The following NADSYN1 variants were observed in gnomAD, a reference collection of about 807,000 sequenced individuals.
NADSYN1 encodes glutamine-dependent NAD(+) synthetase.
A neutral mutation model predicts 99.3 loss-of-function variants in NADSYN1; 80 were observed. The observed-to-expected ratio is 0.81, with a 90% CI of 0.67 to 0.97. The LOEUF is 0.97. Among genes scored for constraint, NADSYN1 ranks in the 50% least tolerant of loss-of-function variants. NADSYN1 has a pLI of 0.00. For synonymous variants in NADSYN1, 385 were observed against 372.1 expected, an observed-to-expected ratio of 1.03 and a Z score of -0.40; for missense variants, 859 against 948.5, an observed-to-expected ratio of 0.91 and a Z score of 1.24.
intron 2 of NADSYN1, among the ~76,000 whole-genome samples, chr11:71,457,214 G>C (rs1423864319): frequency 1.3e-5 from 2 of 152,270 alleles, no homozygotes; most frequent in Non-Finnish European, 2.9e-5. Context: ...GAGGAGAAAG[G>C]ACATCTCAGA....
At position 71,455,539 on chromosome 11, in the gene NADSYN1, C is replaced by G. The variant is rs1949507671; in HGVS notation, c.146+369C>G. On this transcript the variant is annotated intron_variant, in intron 2 of 20. Coordinates refer to ENST00000319023, the MANE Select transcript of NADSYN1 (RefSeq NM_018161.5). ...TGGAATTAAGAGATGAGGCCTTTGGCAGGTGATTGGGTCATGAGGGCATGA... is the reference window on the plus strand; with the variant it reads ...TGGAATTAAGAGATGAGGCCTTTGGGAGGTGATTGGGTCATGAGGGCATGA... The G allele has an allele frequency of 1.7e-5, 4 of 233,798 alleles. No homozygotes were observed. The South Asian group carries it at 2.9e-4, about 17-fold the overall frequency. 14.5% of individuals were successfully genotyped at this position (233,798 alleles called of 1,614,324 possible).
chr11:71,456,601 T>A (rs1949516595), intron 2 of NADSYN1, among the ~76,000 whole-genome samples: 1 of 152,238 alleles, frequency 6.6e-6, no homozygotes, highest in African/African-American at 2.4e-5. Flanking sequence ...GTTTACGTCT[T>A]CTTTTCTTTC....
chr11:71,491,985 T>C, intron 18 of NADSYN1, 82 bp downstream of exon 18: 1 of 1,346,708 alleles, frequency 7.4e-7, no homozygotes, highest in Non-Finnish European at 1.0e-6. Flanking sequence ...CCTACCTCCC[T>C]CCTGACCCCA....
chr11:71,480,784 G>A lies in NADSYN1; in HGVS notation c.903G>A (p.Val301=), dbSNP rs1382319297. 15 of 1,614,040 alleles carry A rather than the reference G, an allele frequency of 9.3e-6. No homozygotes were observed. The Admixed American group carries it at 2.3e-4, about 25-fold the overall frequency. ...GCAGGGCGAGCCCCTACCCCAGAGTGAAGGTGGACTTTGCCCTCTCGTGCC... is the reference window on the plus strand; with the variant it reads ...GCAGGGCGAGCCCCTACCCCAGAGTAAAGGTGGACTTTGCCCTCTCGTGCC... ...AASRASPYPR[V]KVDFALSCHE... is the part of the protein sequence containing the mutation. Residue 301 remains valine, a synonymous_variant, in exon 11 of 21, where the codon GTG becomes GTA. Transcript: ENST00000319023.
intron 15 of NADSYN1, 27 bp from the exon 16 acceptor site, chr11:71,485,515 C>G: frequency 1.3e-6 from 2 of 1,516,062 alleles, no homozygotes; most frequent in Non-Finnish European, 1.8e-6. Context: ...CAAGGGAACC[C>G]GTTATTTCCT....
At chr11:71,457,767 T>C (rs1275693942) in intron 2 of NADSYN1, among the ~76,000 whole-genome samples, 1 of 152,198 alleles carries the variant, frequency 6.6e-6, no homozygotes, top group Admixed American at 6.5e-5. Context: ...TCCGTCCTCA[T>C]GTTGCCTCCT....
At chr11:71,483,635 T>C (rs1351098292) in intron 14 of NADSYN1, among the ~76,000 whole-genome samples, 1 of 152,190 alleles carries the variant, frequency 6.6e-6, no homozygotes, top group East Asian at 1.9e-4. Context: ...CCCATCCTGT[T>C]TGTTGAGCTC....
At chr11:71,492,254 C>T (rs1242322238) in intron 18 of NADSYN1, among the ~76,000 whole-genome samples, 2 of 152,136 alleles carry the variant, frequency 1.3e-5, no homozygotes, top group Non-Finnish European at 2.9e-5. Flanking sequence ...GCATGCTGGC[C>T]CTTCGTGATG....
At chr11:71,491,749 G>A (rs928176433) in intron 17 of NADSYN1, 85 bp from the exon 18 acceptor site, 19 of 1,305,758 alleles carry the variant, frequency 1.5e-5, no homozygotes, top group African/African-American at 2.9e-5. Flanking sequence ...CAGCGTACTC[G>A]GGAAACTTAG....
At position 71,474,710 on chromosome 11, in the gene NADSYN1, C is replaced by T. The variant is rs551817805; in HGVS notation, c.798+184C>T. ...GTGAGGGCCCCTGTGGAGAAGCCCC[C>T]GGGGGTCCCGCCTGCTCCTGGCTCT... On this transcript the variant is annotated intron_variant, in intron 9 of 20. Coordinates refer to ENST00000319023, the MANE Select transcript of NADSYN1 (RefSeq NM_018161.5). The T allele has an allele frequency of 1.1e-4, 72 of 632,738 alleles. 1 individual carries two copies. Among genetic ancestry groups the T allele is most frequent in the Non-Finnish European group, 1.3e-4 (49 of 371,352 alleles). 39.2% of individuals were successfully genotyped at this position (632,738 alleles called of 1,614,324 possible).
intron 5 of NADSYN1, among the ~76,000 whole-genome samples, chr11:71,470,807 A>G (rs1213275870): frequency 2.0e-5 from 3 of 152,194 alleles, no homozygotes; most frequent in African/African-American, 7.2e-5. Flanking sequence ...TCTGTTCTTC[A>G]GGAACCTCGA....
chr11:71,456,108 T>G (rs964932859), intron 2 of NADSYN1, among the ~76,000 whole-genome samples: 1 of 152,228 alleles, frequency 6.6e-6, no homozygotes, highest in African/African-American at 2.4e-5. Flanking sequence ...CTTTGTCCCC[T>G]GCCTTAGTGT....
intron 16 of NADSYN1, among the ~76,000 whole-genome samples, chr11:71,488,293 C>A (rs540005101): frequency 1.3e-5 from 2 of 151,450 alleles, no homozygotes; most frequent in East Asian, 3.9e-4. Flanking sequence ...GAAACGTCCG[C>A]CGAGAGAGCT....
intron 10 of NADSYN1, chr11:71,478,718 T>G: frequency 8.5e-6 from 4 of 472,292 alleles, no homozygotes; most frequent in Non-Finnish European, 1.6e-5. Flanking sequence ...GCAGAGAGGC[T>G]GACGAGACAG....
At chr11:71,497,942 G>A (rs1448392835) in intron 19 of NADSYN1, among the ~76,000 whole-genome samples, 1 of 152,228 alleles carries the variant, frequency 6.6e-6, no homozygotes, top group Non-Finnish European at 1.5e-5. Flanking sequence ...CACAAGCATT[G>A]TAGTCCAATG....
chr11:71,472,957 T>G (rs1949637354), intron 6 of NADSYN1, among the ~76,000 whole-genome samples: 1 of 152,218 alleles, frequency 6.6e-6, no homozygotes, highest in South Asian at 2.1e-4. Context: ...AGCAGCTGCT[T>G]CAGTGTGATC....
At chr11:71,482,277 C>T (rs554413486) in intron 13 of NADSYN1, among the ~76,000 whole-genome samples, 2 of 152,356 alleles carry the variant, frequency 1.3e-5, no homozygotes, top group East Asian at 3.9e-4. Flanking sequence ...CTGCTCTGTG[C>T]ACGGTGTGGC....
At chr11:71,484,271 C>T (rs369768948) in intron 14 of NADSYN1, 41 bp from the exon 15 acceptor site, 66 of 1,602,344 alleles carry the variant, frequency 4.1e-5, no homozygotes, top group African/African-American at 6.7e-5. Flanking sequence ...CATGCACACA[C>T]GTGCACATGC....
intron 18 of NADSYN1, 39 bp downstream of exon 18, chr11:71,491,942 C>T: frequency 6.3e-7 from 1 of 1,580,668 alleles, no homozygotes; most frequent in Non-Finnish European, 8.7e-7. Context: ...TCCTGCCCTC[C>T]TCCCCACCTC....
Sources: gnomAD v4.1 joint callset for allele counts (sites outside exome capture counted in the v4.1 genomes callset) on GRCh38, gnomAD v4.1.1 for gene constraint, MANE v1.5 for transcripts, NCBI Gene and HGNC (gene_info 2026-07-23, HGNC 2026-07-21) for gene names.